The following TMEM132B variants were observed in gnomAD, a reference collection of about 807,000 sequenced individuals.
TMEM132B encodes transmembrane protein 132B.
TMEM132B carries 18 observed loss-of-function variants against 90.8 expected under a neutral mutation model. The observed-to-expected ratio is 0.20, with a 90% CI of 0.14 to 0.29. The LOEUF is 0.29. Among genes scored for constraint, TMEM132B ranks in the 10% least tolerant of loss-of-function variants. TMEM132B has a pLI of 1.00. For synonymous variants in TMEM132B, 504 were observed against 523.3 expected, an observed-to-expected ratio of 0.96 and a Z score of 0.50; for missense variants, 1,096 against 1,326.8, an observed-to-expected ratio of 0.83 and a Z score of 2.70.
At chr12:125,262,414 C>T (rs1352942009) in intron 1 of TMEM132B, among the ~76,000 whole-genome samples, 1 of 152,056 alleles carries the variant, frequency 6.6e-6, no homozygotes, top group African/African-American at 2.4e-5. Context: ...TGGACTATTG[C>T]TCATAAATAG....
At chr12:125,202,341 G>T (rs1873081135) in intron 1 of TMEM132B, among the ~76,000 whole-genome samples, 1 of 152,248 alleles carries the variant, frequency 6.6e-6, no homozygotes, top group South Asian at 2.1e-4. Flanking sequence ...GTTCCTGTGG[G>T]CCAGGAATCC....
chr12:125,582,164 A>G (rs192024831), intron 4 of TMEM132B, among the ~76,000 whole-genome samples: 14 of 152,234 alleles, frequency 9.2e-5, no homozygotes, highest in Admixed American at 9.2e-4. Flanking sequence ...AAATGGGAAT[A>G]ATATCCGTAA....
At chr12:125,264,399 C>A (rs1874638691) in intron 1 of TMEM132B, among the ~76,000 whole-genome samples, 1 of 152,198 alleles carries the variant, frequency 6.6e-6, no homozygotes, top group Admixed American at 6.5e-5. Flanking sequence ...TGGAGGCAAT[C>A]ACTCTACTAA....
intron 3 of TMEM132B, among the ~76,000 whole-genome samples, chr12:125,496,904 A>G (rs938252275): frequency 2.0e-5 from 3 of 152,248 alleles, no homozygotes; most frequent in African/African-American, 7.2e-5. Flanking sequence ...CATAACAAGC[A>G]TATTCTAGTC....
At chr12:125,503,811 G>A (rs1003746861) in intron 3 of TMEM132B, among the ~76,000 whole-genome samples, 2 of 152,216 alleles carry the variant, frequency 1.3e-5, no homozygotes, top group Non-Finnish European at 2.9e-5. Flanking sequence ...GCCCAAATTA[G>A]TTTCTCTTAA....
chr12:125,491,687 C>T (rs1882356135), intron 3 of TMEM132B, among the ~76,000 whole-genome samples: 1 of 152,208 alleles, frequency 6.6e-6, no homozygotes, highest in Non-Finnish European at 1.5e-5. Context: ...GCCGCTGGCC[C>T]ATGTGAGCCT....
chr12:125,529,316 C>G (rs964179437), intron 4 of TMEM132B, among the ~76,000 whole-genome samples: 2 of 152,158 alleles, frequency 1.3e-5, no homozygotes, highest in Non-Finnish European at 2.9e-5. Context: ...AGGCTGGTCT[C>G]AAACTCCTGG....
intron 3 of TMEM132B, among the ~76,000 whole-genome samples, chr12:125,484,584 C>G (rs534588339): frequency 3.5e-4 from 54 of 152,190 alleles, no homozygotes; most frequent in African/African-American, 1.3e-3. Flanking sequence ...TTATGTAACC[C>G]AGACTCTGGA....
chr12:125,341,150 A>C (rs1455135694), intron 1 of TMEM132B, among the ~76,000 whole-genome samples: 1 of 152,262 alleles, frequency 6.6e-6, no homozygotes, highest in African/African-American at 2.4e-5. Context: ...GCAGCAGAAC[A>C]TAATGGCTAA....
chr12:125,257,419 G>C (rs952013619), intron 1 of TMEM132B, among the ~76,000 whole-genome samples: 2 of 152,230 alleles, frequency 1.3e-5, no homozygotes, highest in African/African-American at 4.8e-5. Flanking sequence ...AATCTCTGCT[G>C]TTGCTCCTCC....
At chr12:125,470,237 A>G (rs1593162180) in intron 3 of TMEM132B, among the ~76,000 whole-genome samples, 1 of 152,256 alleles carries the variant, frequency 6.6e-6, no homozygotes, top group Non-Finnish European at 1.5e-5. Context: ...CTGCTGAGCT[A>G]AGCTAAGGCC....
At chr12:125,611,785 A>G (rs1383419858) in intron 5 of TMEM132B, among the ~76,000 whole-genome samples, 1 of 152,148 alleles carries the variant, frequency 6.6e-6, no homozygotes, top group Non-Finnish European at 1.5e-5. Context: ...GTATGATTTT[A>G]ACTTATTTAA....
At chr12:125,308,900 A>C (rs934995950) in intron 1 of TMEM132B, among the ~76,000 whole-genome samples, 1 of 152,200 alleles carries the variant, frequency 6.6e-6, no homozygotes, top group South Asian at 2.1e-4. Flanking sequence ...ATATGGAACC[A>C]TGAACAATAT....
chr12:125,260,023 G>GA (rs1463947681), intron 1 of TMEM132B, among the ~76,000 whole-genome samples: 4 of 152,150 alleles, frequency 2.6e-5, no homozygotes, highest in African/African-American at 9.7e-5. Flanking sequence ...GTTTTGCATG[G>GA]AATGAGCCCA....
At chr12:125,326,361 T>G (rs1876563330) in intron 1 of TMEM132B, among the ~76,000 whole-genome samples, 1 of 152,208 alleles carries the variant, frequency 6.6e-6, no homozygotes, top group Non-Finnish European at 1.5e-5. Context: ...CCGAAGTGAC[T>G]GGTCTCAGGC....
intron 1 of TMEM132B, among the ~76,000 whole-genome samples, chr12:125,297,143 G>A (rs1047820883): frequency 4.5e-5 from 4 of 88,044 alleles, no homozygotes; most frequent in African/African-American, 1.4e-4. Context: ...GGTTTCCTTG[G>A]GGGGGTCCTG....
At position 125,289,823 on chromosome 12, in the gene TMEM132B, G is replaced by A. The variant is rs555992665; in HGVS notation, c.68-59629G>A. Among the ~76,000 whole-genome samples, 20 of 152,278 alleles carry A rather than the reference G, an allele frequency of 1.3e-4. No homozygotes were observed. The East Asian group carries it at 3.7e-3, about 28-fold the overall frequency. ...TCCAGGGTGCATGGGCTCAACCATC[G>A]GGCCACACTGTCTCTGGACAGAGGG... On this transcript the variant is annotated intron_variant, in intron 1 of 8. Coordinates refer to ENST00000682704, the MANE Select transcript of TMEM132B (RefSeq NM_001366854.1).
At chr12:125,572,025 T>C (rs1027882913) in intron 4 of TMEM132B, among the ~76,000 whole-genome samples, 6 of 152,278 alleles carry the variant, frequency 3.9e-5, no homozygotes, top group African/African-American at 1.4e-4. Flanking sequence ...CTTTGTCTTT[T>C]AGGCTGTGAC....
intron 3 of TMEM132B, among the ~76,000 whole-genome samples, chr12:125,440,575 C>T (rs142078627): frequency 3.3e-5 from 5 of 152,138 alleles, no homozygotes; most frequent in African/African-American, 1.2e-4. Flanking sequence ...GCATCTCCCC[C>T]CTGATTAAAC....
Sources: allele counts gnomAD v4.1 joint callset (sites outside exome capture counted in the v4.1 genomes callset), GRCh38; gene constraint gnomAD v4.1.1; transcripts MANE v1.5; gene names NCBI Gene and HGNC (gene_info 2026-07-23, HGNC 2026-07-21).